Variants in UBR3 observed in about 807,000 individuals in gnomAD.
UBR3 encodes the protein ubiquitin protein ligase E3 component n-recognin 3, also known as E3 ubiquitin-protein ligase UBR3.
Under a neutral mutation model 243.2 loss-of-function variants are expected in UBR3, and 85 were observed. That is an observed-to-expected ratio of 0.35 (90% CI 0.29 to 0.42). UBR3 has a LOEUF of 0.42. Among genes scored for constraint, UBR3 ranks in the 10% least tolerant of loss-of-function variants. The pLI, the probability that UBR3 is intolerant of heterozygous loss-of-function variation, is 1.00. For missense variants in UBR3, 1,686 were observed against 2,300.8 expected (o/e 0.73, Z 5.47); for synonymous variants, 748 against 799.8 (o/e 0.94, Z 1.09).
At chr2:169,923,251 G>T (rs1428251632) in intron 11 of UBR3, among the ~76,000 whole-genome samples, 2 of 152,298 alleles carry the variant, frequency 1.3e-5, no homozygotes, top group East Asian at 3.9e-4. Context: ...ACTGGTGAAG[G>T]AATCTAACGA....
At position 170,078,067 on chromosome 2, in the gene UBR3, C is replaced by A. The variant is rs747347130; in HGVS notation, c.5200-1747C>A. On this transcript the variant is annotated intron_variant, in intron 36 of 38. Transcript: ENST00000272793. ...AGGTACTGCTCCCTGTGGAGTCTTT[C>A]TTTTGTCTGGTGTTTCTCTTTTCAT... The A allele has an allele frequency of 2.4e-5, 16 of 673,998 alleles. No individual in the cohort carries two copies. In the Admixed American group the frequency reaches 2.6e-4, roughly 11 times the overall value. 41.8% of individuals were successfully genotyped at this position (673,998 alleles called of 1,614,324 possible). A position where few individuals can be genotyped will look rare whatever the true frequency, so the allele number is the denominator to read the frequency against.
intron 1 of UBR3, among the ~76,000 whole-genome samples, chr2:169,862,044 A>G (rs1365588747): frequency 1.3e-5 from 2 of 152,034 alleles, no homozygotes. Flanking sequence ...TTCTGGACCC[A>G]TATTATTTTT....
At chr2:169,975,420 T>G (rs2088381784) in intron 24 of UBR3, among the ~76,000 whole-genome samples, 1 of 152,228 alleles carries the variant, frequency 6.6e-6, no homozygotes, top group Admixed American at 6.5e-5. Context: ...AAAGAATGTG[T>G]ATTCTGCTGC....
intron 1 of UBR3, among the ~76,000 whole-genome samples, chr2:169,860,603 G>A (rs2083053454): frequency 6.6e-6 from 1 of 151,936 alleles, no homozygotes; most frequent in African/African-American, 2.4e-5. Flanking sequence ...CCTCAGTATA[G>A]TTTTAATGTG....
intron 11 of UBR3, among the ~76,000 whole-genome samples, chr2:169,921,740 C>T (rs186814446): frequency 3.0e-4 from 45 of 152,280 alleles, no homozygotes; most frequent in African/African-American, 1.0e-3. Flanking sequence ...GCCTTTGGTC[C>T]CAGCACTTTG....
chr2:169,954,921 A>G (rs776946091), intron 23 of UBR3, among the ~76,000 whole-genome samples: 18 of 152,104 alleles, frequency 1.2e-4, no homozygotes, highest in Non-Finnish European at 2.6e-4. Flanking sequence ...CACTCCTTGC[A>G]TTTAGTTGTC....
chr2:169,841,705 C>A (rs936784877), intron 1 of UBR3, among the ~76,000 whole-genome samples: 18 of 152,198 alleles, frequency 1.2e-4, no homozygotes, highest in African/African-American at 3.9e-4. Context: ...TGTACTGAGT[C>A]CCCCAGCAGT....
intron 18 of UBR3, among the ~76,000 whole-genome samples, chr2:169,930,399 T>C (rs2086076456): frequency 6.6e-6 from 1 of 152,112 alleles, no homozygotes; most frequent in Non-Finnish European, 1.5e-5. Flanking sequence ...TTTTGTTATT[T>C]TTTTGGAGAC....
chr2:170,054,367 C>T (rs2091287395), intron 32 of UBR3, among the ~76,000 whole-genome samples: 1 of 151,694 alleles, frequency 6.6e-6, no homozygotes, highest in African/African-American at 2.4e-5. Flanking sequence ...CTGCAACCTC[C>T]GCCTCCCGGG....
chr2:169,907,922 C>A (rs2085082969), intron 10 of UBR3, among the ~76,000 whole-genome samples: 1 of 152,102 alleles, frequency 6.6e-6, no homozygotes, highest in South Asian at 2.1e-4. Flanking sequence ...CAAGTGTGCA[C>A]CACCATGCCT....
At chr2:169,889,716 TG>T (rs1203650334) in intron 5 of UBR3, among the ~76,000 whole-genome samples, 4 of 152,176 alleles carry the variant, frequency 2.6e-5, no homozygotes, top group African/African-American at 9.7e-5. Context: ...AAATGCTGAA[TG>T]ACTGAGCTAA....
chr2:170,072,983 CTCAT>C (rs1300342259), intron 35 of UBR3, among the ~76,000 whole-genome samples: 1 of 152,114 alleles, frequency 6.6e-6, no homozygotes, highest in African/African-American at 2.4e-5. Context: ...TTGTTTCACA[CTCAT>C]TCAAAGTCTA....
At chr2:169,966,898 A>T (rs771070681) in intron 24 of UBR3, among the ~76,000 whole-genome samples, 17 of 152,104 alleles carry the variant, frequency 1.1e-4, no homozygotes, top group Non-Finnish European at 2.4e-4. Flanking sequence ...TCTAATATTA[A>T]TGATAATAAA....
intron 29 of UBR3, chr2:170,014,364 T>G (rs1343202476): frequency 6.6e-6 from 1 of 152,182 alleles, no homozygotes; most frequent in Non-Finnish European, 1.5e-5. Flanking sequence ...CTTTTTTTTT[T>G]TTTTAAGTGG....
At chr2:169,902,354 C>G (rs895660546) in intron 8 of UBR3, among the ~76,000 whole-genome samples, 4 of 152,180 alleles carry the variant, frequency 2.6e-5, no homozygotes, top group African/African-American at 4.8e-5. Context: ...ATAATGTTCT[C>G]TCTCTTAAAA....
Position 169,914,041 on chromosome 2 carries a change from A to G in UBR3, c.1780-19A>G, listed in dbSNP as rs1186224434. The G allele has an allele frequency of 6.3e-6, 8 of 1,270,300 alleles. No individual in the cohort carries two copies. Among genetic ancestry groups the G allele is most frequent in the South Asian group, 3.7e-5 (2 of 53,922 alleles). 78.7% of individuals were successfully genotyped at this position (1,270,300 alleles called of 1,614,324 possible). ...TGTTTATATATCATAAATTTATTAT[A>G]TATAACTTACTATTTTAGGAAACTC... On this transcript the variant is annotated intron_variant, in intron 10 of 38. Transcript: ENST00000272793.
At chr2:170,067,611 C>T (rs10182522) in intron 35 of UBR3, among the ~76,000 whole-genome samples, 108,273 of 151,868 alleles carry the variant, frequency 0.71, 39,480 homozygotes, top group East Asian at 0.88. Context: ...TGTGTCAAGC[C>T]GTAAAGTATC....
chr2:169,998,502 C>T (rs2089578716), intron 26 of UBR3, among the ~76,000 whole-genome samples: 1 of 152,188 alleles, frequency 6.6e-6, no homozygotes, highest in Non-Finnish European at 1.5e-5. Flanking sequence ...CTGCATACCT[C>T]TGGAGGTCCA....
chr2:169,956,091 A>G (rs2087274145), intron 23 of UBR3, among the ~76,000 whole-genome samples: 1 of 151,846 alleles, frequency 6.6e-6, no homozygotes, highest in South Asian at 2.1e-4. Flanking sequence ...TCACTCTGAT[A>G]CTTTCAATTC....
Sources: gnomAD v4.1 joint callset for allele counts (sites outside exome capture counted in the v4.1 genomes callset) on GRCh38, gnomAD v4.1.1 for gene constraint, MANE v1.5 for transcripts, NCBI Gene and HGNC (gene_info 2026-07-23, HGNC 2026-07-21) for gene names.